KCNK2: variants seen among roughly 807,000 people sequenced by gnomAD.
The protein encoded by KCNK2 is potassium channel subfamily K member 2.
Under a neutral mutation model 40.5 loss-of-function variants are expected in KCNK2, and 21 were observed. That is an observed-to-expected ratio of 0.52 (90% CI 0.37 to 0.75). The LOEUF (loss-of-function observed/expected upper bound fraction) is 0.75. Among genes scored for constraint, KCNK2 ranks in the 30% least tolerant of loss-of-function variants. KCNK2 has a pLI of 0.00. For missense variants in KCNK2, 399 were observed against 531.6 expected, an observed-to-expected ratio of 0.75 and a Z score of 2.45; for synonymous variants, 191 against 202.2, an observed-to-expected ratio of 0.94 and a Z score of 0.47.
chr1:215,148,491 T>C (rs1318490875), intron 3 of KCNK2, among the ~76,000 whole-genome samples: 1 of 152,178 alleles, frequency 6.6e-6, no homozygotes, highest in African/African-American at 2.4e-5. Context: ...TAGAACTATC[T>C]AGATCTGAAT....
intron 1 of KCNK2, among the ~76,000 whole-genome samples, chr1:215,072,069 C>T (rs557765423): frequency 6.6e-6 from 1 of 152,196 alleles, no homozygotes; most frequent in South Asian, 2.1e-4. Flanking sequence ...CACTTTACTC[C>T]AGAGGAAAGT....
intron 1 of KCNK2, among the ~76,000 whole-genome samples, chr1:215,084,387 CAG>C (rs1477690822): frequency 5.3e-5 from 8 of 152,070 alleles, no homozygotes; most frequent in African/African-American, 1.7e-4. Context: ...TAGGAGAGCA[CAG>C]AGATCTGAGG....
chr1:215,195,958 G>A lies in KCNK2; in HGVS notation c.963+866G>A, dbSNP rs375190205. Among the ~76,000 whole-genome samples the A allele has an allele frequency of 4.3e-4, 66 of 152,228 alleles. No individual in the cohort carries two copies. In the South Asian group the frequency reaches 0.013, roughly 31 times the overall value. ...CTATTCCTAGACCACAGATATCAGT[G>A]TCAGACTCTTTCATGGCTATAAGCA... On this transcript the variant is annotated intron_variant, in intron 6 of 6. Transcript: ENST00000444842.
rs567490311 is a variant in KCNK2 at position 215,007,201 on chromosome 1, A to G, written c.34+1246A>G. Reference sequence around the variant, plus strand: ...TGTGTGTGGGTATATATATATATATATATATATATATATATATATATATAT... The same window carrying G: ...TGTGTGTGGGTATATATATATATATGTATATATATATATATATATATATAT... On this transcript the variant is annotated intron_variant, in intron 1 of 6. Coordinates refer to the KCNK2 transcript ENST00000391895. Among the ~76,000 whole-genome samples the G allele has an allele frequency of 1.8e-3, 99 of 54,426 alleles. 4 individuals are homozygous for G. The East Asian group carries it at 0.027, about 15-fold the overall frequency. The allele number at this position is 54,426 out of a possible 152,430, so 35.7% of individuals were successfully genotyped here.
intron 1 of KCNK2, among the ~76,000 whole-genome samples, chr1:215,041,880 T>C (rs532598521): frequency 3.3e-5 from 5 of 152,214 alleles, no homozygotes; most frequent in Admixed American, 6.5e-5. Context: ...GGGTAATTTA[T>C]AAAGAAAAAG....
intron 3 of KCNK2, among the ~76,000 whole-genome samples, chr1:215,156,654 A>G (rs548601457): frequency 6.6e-6 from 1 of 152,162 alleles, no homozygotes; most frequent in Non-Finnish European, 1.5e-5. Flanking sequence ...AAGAGGTTTA[A>G]TTGACTCACA....
At chr1:215,119,896 A>G (rs936837838) in intron 2 of KCNK2, among the ~76,000 whole-genome samples, 1 of 152,202 alleles carries the variant, frequency 6.6e-6, no homozygotes, top group African/African-American at 2.4e-5. Context: ...ACCTGAACTG[A>G]TGTTGAAATT....
chr1:215,144,154 T>G lies in KCNK2; in HGVS notation c.475+19404T>G, dbSNP rs183514307. Among the ~76,000 whole-genome samples the G allele has an allele frequency of 4.9e-4, 74 of 152,322 alleles. 1 individual carries two copies. Among genetic ancestry groups the G allele is most frequent in the Admixed American group, 4.0e-3 (61 of 15,296 alleles). On this transcript the variant is annotated intron_variant, in intron 3 of 6. Coordinates refer to ENST00000444842, the MANE Select transcript of KCNK2 (RefSeq NM_001017425.3). ...TTAAAAATGTAAACATATGCCCTTT[T>G]TTCTAATGTGTATCTTTTAAAAACT...
intron 5 of KCNK2, among the ~76,000 whole-genome samples, chr1:215,192,012 C>T (rs1664686832): frequency 6.6e-6 from 1 of 152,042 alleles, no homozygotes; most frequent in Admixed American, 6.6e-5. Context: ...AGGTAGGTTT[C>T]CTCAACATAG....
chr1:215,085,156 C>T (rs1272215859), intron 1 of KCNK2, among the ~76,000 whole-genome samples: 1 of 152,100 alleles, frequency 6.6e-6, no homozygotes, highest in Non-Finnish European at 1.5e-5. Context: ...TTCTTATATA[C>T]TTACCTGAAA....
intron 4 of KCNK2, among the ~76,000 whole-genome samples, chr1:215,170,866 T>G (rs1364887743): frequency 6.6e-6 from 1 of 152,132 alleles, no homozygotes; most frequent in African/African-American, 2.4e-5. Context: ...TTTTTTATGT[T>G]GCATATATAC....
intron 3 of KCNK2, among the ~76,000 whole-genome samples, chr1:215,136,142 T>C (rs575487116): frequency 6.6e-6 from 1 of 152,132 alleles, no homozygotes; most frequent in African/African-American, 2.4e-5. Context: ...TCTCACTCTG[T>C]CGCCCAGGTG....
At chr1:215,031,754 T>G (rs1657198116) in intron 1 of KCNK2, among the ~76,000 whole-genome samples, 1 of 152,220 alleles carries the variant, frequency 6.6e-6, no homozygotes, top group Non-Finnish European at 1.5e-5. Context: ...TTTTGTATAT[T>G]GACTTATATT....
chr1:215,142,629 CA>C (rs1662233538), intron 3 of KCNK2, among the ~76,000 whole-genome samples: 1 of 152,020 alleles, frequency 6.6e-6, no homozygotes, highest in Non-Finnish European at 1.5e-5. Context: ...GTTGGAGCCT[CA>C]AATGTTCTTT....
At chr1:215,212,266 G>A (rs1665773320) in intron 6 of KCNK2, among the ~76,000 whole-genome samples, 1 of 152,042 alleles carries the variant, frequency 6.6e-6, no homozygotes, top group Non-Finnish European at 1.5e-5. Flanking sequence ...AGGACTCCCT[G>A]TTTTCTAGCT....
At chr1:215,150,166 G>A (rs550747170) in intron 3 of KCNK2, among the ~76,000 whole-genome samples, 2 of 152,254 alleles carry the variant, frequency 1.3e-5, no homozygotes, top group Non-Finnish European at 2.9e-5. Context: ...TTGGAGAATT[G>A]ATATCTAACC....
chr1:215,029,711 C>A (rs61820014), intron 1 of KCNK2, among the ~76,000 whole-genome samples: 1,521 of 150,570 alleles, frequency 0.01, 24 homozygotes, highest in South Asian at 0.073. Flanking sequence ...AAATTACCAT[C>A]ACTTAATATG....
intron 1 of KCNK2, among the ~76,000 whole-genome samples, chr1:215,013,648 T>A (rs188936862): frequency 6.6e-6 from 1 of 152,298 alleles, no homozygotes; most frequent in Non-Finnish European, 1.5e-5. Context: ...ATATTTTTGT[T>A]AGATTAATAT....
At chr1:215,110,431 G>A (rs72735346) in intron 2 of KCNK2, among the ~76,000 whole-genome samples, 8,262 of 151,954 alleles carry the variant, frequency 0.054, 296 homozygotes, top group Middle Eastern at 0.11. Context: ...TTTTTGGTGT[G>A]TATATCAAAT....
Sources: gnomAD v4.1 joint callset for allele counts (sites outside exome capture counted in the v4.1 genomes callset) on GRCh38, gnomAD v4.1.1 for gene constraint, MANE v1.5 for transcripts, NCBI Gene and HGNC (gene_info 2026-07-23, HGNC 2026-07-21) for gene names.